The following UHMK1 variants were observed in gnomAD, a reference collection of about 807,000 sequenced individuals.
UHMK1 encodes serine/threonine-protein kinase Kist.
A neutral mutation model predicts 44.0 loss-of-function variants in UHMK1; 18 were observed. The observed-to-expected ratio is 0.41, with a 90% CI of 0.28 to 0.61. The LOEUF (loss-of-function observed/expected upper bound fraction) is 0.61, where lower values mean the gene tolerates loss of function less well. UHMK1 is among the 20% of genes least tolerant of loss of function. The probability of loss-of-function intolerance (pLI) is 0.31; values close to 1 mark genes in which losing one functional copy is unlikely to be tolerated. For synonymous variants in UHMK1, 231 were observed against 198.5 expected (o/e 1.16, Z -1.38); for missense variants, 463 against 522.5 (o/e 0.89, Z 1.11).
intron 7 of UHMK1, among the ~76,000 whole-genome samples, chr1:162,519,589 T>C (rs758705135): frequency 1.3e-5 from 2 of 152,234 alleles, no homozygotes; most frequent in African/African-American, 2.4e-5. Context: ...AAAACTGTTA[T>C]CACCGCATTT....
chr1:162,517,653 G>A (rs1651879024), intron 6 of UHMK1, among the ~76,000 whole-genome samples: 1 of 152,194 alleles, frequency 6.6e-6, no homozygotes, highest in Admixed American at 6.5e-5. Context: ...TTAGGAGGCT[G>A]AGGTGGGCGG....
chr1:162,529,580 AAG>A lies in UHMK1; in HGVS notation c.*7033_*7034del, dbSNP rs372918175. Reference sequence around the variant, plus strand: ...TAATGCTTTCTGATGTGTGTTTGATAAGAGTGATAAAATAAAAGCTTAAAAAT... The same window carrying A: ...TAATGCTTTCTGATGTGTGTTTGATAAGTGATAAAATAAAAGCTTAAAAAT... On this transcript the variant is annotated 3_prime_UTR_variant, in exon 8 of 8. Coordinates refer to ENST00000489294, the MANE Select transcript of UHMK1 (RefSeq NM_175866.5). 10 of 152,324 alleles carry A rather than the reference AAG, an allele frequency of 6.6e-5. No individual in the cohort carries two copies. The highest frequency in any genetic ancestry group is 2.4e-4 in the African/African-American group (10 of 41,586). The allele number at this position is 152,324 out of a possible 1,614,324, so 9.4% of individuals were successfully genotyped here.
At chr1:162,521,430 A>G (rs1368520148) in intron 7 of UHMK1, among the ~76,000 whole-genome samples, 2 of 151,998 alleles carry the variant, frequency 1.3e-5, no homozygotes, top group Non-Finnish European at 2.9e-5. Flanking sequence ...AAAAAAAATC[A>G]GGAATAGATT....
intron 4 of UHMK1, among the ~76,000 whole-genome samples, chr1:162,511,346 T>C (rs1276662199): frequency 8.6e-6 from 1 of 116,186 alleles, no homozygotes; most frequent in Non-Finnish European, 1.9e-5. Flanking sequence ...TTAAATTTTT[T>C]TGTAGAGAGA....
chr1:162,508,609 G>A (rs1406562428), intron 4 of UHMK1, among the ~76,000 whole-genome samples: 3 of 151,788 alleles, frequency 2.0e-5, no homozygotes, highest in Non-Finnish European at 2.9e-5. Context: ...GGCTGAGGCA[G>A]GAGGATCGAT....
chr1:162,503,602 C>T (rs1049303344), intron 3 of UHMK1, 152 bp from the exon 4 acceptor site: 1 of 552,126 alleles, frequency 1.8e-6, no homozygotes, highest in Middle Eastern at 4.7e-4. Flanking sequence ...CAGAGCAAGA[C>T]CCTGTCTCCA....
At chr1:162,501,208 C>T (rs1022034712) in intron 3 of UHMK1, 104 bp downstream of exon 3, 1 of 1,207,794 alleles carries the variant, frequency 8.3e-7, no homozygotes, top group Non-Finnish European at 1.1e-6. Context: ...TTCACTCTTT[C>T]ACCCAGGCTG....
rs942210127 is a variant in UHMK1, at chr1:162,525,738, C to G, written c.*3188C>G. The G allele has an allele frequency of 6.6e-6, 1 of 152,130 alleles. No homozygotes were observed. Among genetic ancestry groups the G allele is most frequent in the South Asian group, 2.1e-4 (1 of 4,820 alleles). 9.4% of individuals were successfully genotyped at this position (152,130 alleles called of 1,614,324 possible). On this transcript the variant is annotated 3_prime_UTR_variant, in exon 8 of 8. Transcript: ENST00000489294. ...TTTTGTGGCCACCAATATAGCAGCT[C>G]TCTTTAGAGGGATTCCCTTTCTGCT...
chr1:162,512,464 A>G (rs745687913), intron 4 of UHMK1, 36 bp from the exon 5 acceptor site: 1 of 1,555,762 alleles, frequency 6.4e-7, no homozygotes, highest in South Asian at 1.2e-5. Flanking sequence ...CAAAAGATTC[A>G]GCAGAAATGA....
chr1:162,500,616 C>A, intron 2 of UHMK1: 1 of 409,696 alleles, frequency 2.4e-6, no homozygotes, highest in South Asian at 4.4e-5. Context: ...TCTGCCAAAT[C>A]CTCTTTTCTC....
rs896979628 is a variant in UHMK1, at chr1:162,523,158, G to C, written c.*608G>C. The C allele has an allele frequency of 1.3e-5, 2 of 152,656 alleles. No individual in the cohort carries two copies. Among genetic ancestry groups the C allele is most frequent in the Admixed American group, 1.3e-4 (2 of 15,288 alleles). 9.5% of individuals were successfully genotyped at this position (152,656 alleles called of 1,614,324 possible). ...TTTTTAAATTAAGGCTTTTAAAATA[G>C]AAAGCTGATGCTTGATCTTGCACAA... On this transcript the variant is annotated 3_prime_UTR_variant, in exon 8 of 8. Transcript: ENST00000489294.
intron 7 of UHMK1, among the ~76,000 whole-genome samples, chr1:162,519,015 C>A (rs1651946885): frequency 6.7e-6 from 1 of 148,684 alleles, no homozygotes; most frequent in South Asian, 2.1e-4. Context: ...ACTTTTGAGC[C>A]ACTGTAAACA....
At chr1:162,505,579 C>T (rs748009907) in intron 4 of UHMK1, among the ~76,000 whole-genome samples, 5 of 152,122 alleles carry the variant, frequency 3.3e-5, no homozygotes, top group Non-Finnish European at 5.9e-5. Context: ...ATGATAGCTA[C>T]GATGTCGCTA....
intron 6 of UHMK1, among the ~76,000 whole-genome samples, chr1:162,514,280 C>A (rs1364253196): frequency 6.7e-6 from 1 of 149,120 alleles, no homozygotes. Context: ...CAGAGTGAGA[C>A]CATCTCTGGA....
At chr1:162,522,099 G>A (rs535089790) in intron 7 of UHMK1, among the ~76,000 whole-genome samples, 4 of 152,196 alleles carry the variant, frequency 2.6e-5, no homozygotes, top group East Asian at 1.9e-4. Context: ...CTCCTGTAAC[G>A]ACCTTAGCAA....
intron 4 of UHMK1, among the ~76,000 whole-genome samples, chr1:162,509,791 C>T (rs1405075448): frequency 1.3e-5 from 2 of 152,144 alleles, no homozygotes; most frequent in African/African-American, 2.4e-5. Flanking sequence ...TACAGGTGCA[C>T]AGCACCATGC....
chr1:162,521,101 G>A (rs902900682), intron 7 of UHMK1, among the ~76,000 whole-genome samples: 3 of 152,144 alleles, frequency 2.0e-5, no homozygotes, highest in South Asian at 2.1e-4. Context: ...CCTAGTTGTC[G>A]AAGCCATTCT....
intron 4 of UHMK1, among the ~76,000 whole-genome samples, chr1:162,511,133 G>A (rs1651652564): frequency 6.7e-6 from 1 of 149,888 alleles, no homozygotes; most frequent in Non-Finnish European, 1.5e-5. Context: ...TTTTAATTGG[G>A]CTATTTGTTT....
intron 7 of UHMK1, among the ~76,000 whole-genome samples, chr1:162,521,214 C>A (rs1652045351): frequency 6.6e-6 from 1 of 151,902 alleles, no homozygotes; most frequent in Admixed American, 6.6e-5. Flanking sequence ...TAAAAATAAT[C>A]AGAATTAAAA....
Sources: gnomAD v4.1 joint callset for allele counts (sites outside exome capture counted in the v4.1 genomes callset) on GRCh38, gnomAD v4.1.1 for gene constraint, MANE v1.5 for transcripts, NCBI Gene and HGNC (gene_info 2026-07-23, HGNC 2026-07-21) for gene names.